SH3BGRL2: variants seen among roughly 807,000 people sequenced by gnomAD.
The protein encoded by SH3BGRL2 is SH3 domain binding glutamate rich protein like 2.
SH3BGRL2 carries 21 observed loss-of-function variants against 14.8 expected under a neutral mutation model. The observed-to-expected ratio is 1.42, with a 90% CI of 1.01 to 2.05. The LOEUF (loss-of-function observed/expected upper bound fraction) is 2.05. Ranked by LOEUF, SH3BGRL2 falls within the 30% of genes most tolerant of loss-of-function variation. The pLI, the probability that SH3BGRL2 is intolerant of heterozygous loss-of-function variation, is 0.00. For synonymous variants in SH3BGRL2, 50 were observed against 47.8 expected, an observed-to-expected ratio of 1.05 and a Z score of -0.19; for missense variants, 147 against 130.8, an observed-to-expected ratio of 1.12 and a Z score of -0.61.
At position 79,702,765 on chromosome 6, in the gene SH3BGRL2, C is replaced by T. The variant is rs554636909; in HGVS notation, c.*3256C>T. ...GGACTGAGGATGGAGTTAAATCACTCAGCCCCTGGGTGGGGTGGGGTGGTT... is the reference window on the plus strand; with the variant it reads ...GGACTGAGGATGGAGTTAAATCACTTAGCCCCTGGGTGGGGTGGGGTGGTT... On this transcript the variant is annotated 3_prime_UTR_variant, in exon 4 of 4. Coordinates refer to ENST00000369838, the MANE Select transcript of SH3BGRL2 (RefSeq NM_031469.4). 2.6e-5 allele frequency: 4 copies of T among 152,382 alleles called. No homozygotes were observed. The highest frequency in any genetic ancestry group is 2.6e-4 in the Admixed American group (4 of 15,298). 9.4% of individuals were successfully genotyped at this position (152,382 alleles called of 1,614,324 possible). A position where few individuals can be genotyped will look rare whatever the true frequency, so the allele number is the denominator to read the frequency against.
the SH3BGRL2 span, among the ~76,000 whole-genome samples, chr6:79,540,547 A>AT: frequency 6.6e-6 from 1 of 152,112 alleles, no homozygotes; most frequent in Non-Finnish European, 1.5e-5. Flanking sequence ...TGAATACTTG[A>AT]TTTTGCAGTA....
the SH3BGRL2 span, among the ~76,000 whole-genome samples, chr6:79,606,711 T>G: frequency 2.6e-5 from 4 of 152,380 alleles, no homozygotes; most frequent in Middle Eastern, 0.01. Flanking sequence ...TGAGTTTATG[T>G]AAATTAACAA....
chr6:79,689,955 A>T (rs1770176340), intron 2 of SH3BGRL2, among the ~76,000 whole-genome samples: 1 of 151,968 alleles, frequency 6.6e-6, no homozygotes. Context: ...TCATTCCTAC[A>T]TTTCACACTG....
the SH3BGRL2 span, among the ~76,000 whole-genome samples, chr6:79,586,529 C>G: frequency 7.9e-5 from 12 of 152,094 alleles, no homozygotes; most frequent in East Asian, 2.3e-3. Flanking sequence ...AATAAAATGG[C>G]TTTCTGAGAT....
At chr6:79,555,816 G>T in the SH3BGRL2 span, among the ~76,000 whole-genome samples, 1 of 152,054 alleles carries the variant, frequency 6.6e-6, no homozygotes, top group African/African-American at 2.4e-5. Flanking sequence ...CCCAAACTAT[G>T]TTTTTAAAAT....
At chr6:79,661,663 T>G (rs538151578) in intron 1 of SH3BGRL2, among the ~76,000 whole-genome samples, 4 of 152,310 alleles carry the variant, frequency 2.6e-5, no homozygotes, top group African/African-American at 9.6e-5. Flanking sequence ...GGTGCAGAGC[T>G]GAGTTCAAGT....
At chr6:79,552,883 A>G in the SH3BGRL2 span, 1 of 152,184 alleles carries the variant, frequency 6.6e-6, no homozygotes, top group African/African-American at 2.4e-5. Context: ...GTTATTTGGT[A>G]TTCATGTTAA....
upstream of SH3BGRL2, among the ~76,000 whole-genome samples, chr6:79,626,769 A>AC (rs2127720217): frequency 6.6e-6 from 1 of 152,236 alleles, no homozygotes; most frequent in South Asian, 2.1e-4. Context: ...CATGGTGCCC[A>AC]CCCTATGCAC....
At chr6:79,592,351 G>A in the SH3BGRL2 span, among the ~76,000 whole-genome samples, 7 of 152,136 alleles carry the variant, frequency 4.6e-5, no homozygotes, top group African/African-American at 1.7e-4. Context: ...AAGACAAATA[G>A]GGATCCTGTA....
chr6:79,673,537 A>G (rs1398903462), intron 1 of SH3BGRL2, 77 bp from the exon 2 acceptor site: 2 of 1,418,226 alleles, frequency 1.4e-6, no homozygotes, highest in Admixed American at 2.0e-5. Context: ...AATGACATAA[A>G]TCTAGTTCAG....
chr6:79,549,678 TAAC>T, the SH3BGRL2 span, among the ~76,000 whole-genome samples: 2 of 152,106 alleles, frequency 1.3e-5, no homozygotes, highest in Non-Finnish European at 2.9e-5. Flanking sequence ...CTTTTTAAAA[TAAC>T]AAAAATCAGG....
chr6:79,604,523 A>T, the SH3BGRL2 span, among the ~76,000 whole-genome samples: 1 of 152,150 alleles, frequency 6.6e-6, no homozygotes, highest in East Asian at 1.9e-4. Flanking sequence ...TTTCATGATG[A>T]TCCCTTGCCA....
intron 1 of SH3BGRL2, 52 bp downstream of exon 1, chr6:79,631,558 G>C: frequency 7.5e-7 from 1 of 1,335,562 alleles, no homozygotes; most frequent in Non-Finnish European, 9.7e-7. Flanking sequence ...CGCGGGTCCT[G>C]CGGGAGGCGC....
rs1770412675 is a variant in SH3BGRL2 at position 79,699,635 on chromosome 6, G to A, written c.*126G>A. On this transcript the variant is annotated 3_prime_UTR_variant, in exon 4 of 4. Coordinates refer to ENST00000369838, the MANE Select transcript of SH3BGRL2 (RefSeq NM_031469.4). ...ATTATCAGTAACTTTGCTTGCCACG[G>A]AAAAGGTGTTTTTGAAAGATGTGGC... The A allele has an allele frequency of 7.8e-7, 1 of 1,282,012 alleles. No individual in the cohort carries two copies. The highest frequency in any genetic ancestry group is 1.5e-5 in the African/African-American group (1 of 66,704). The allele number at this position is 1,282,012 out of a possible 1,614,324, so 79.4% of individuals were successfully genotyped here.
intron 1 of SH3BGRL2, among the ~76,000 whole-genome samples, chr6:79,659,484 T>C (rs1769495310): frequency 6.6e-6 from 1 of 152,192 alleles, no homozygotes; most frequent in African/African-American, 2.4e-5. Context: ...TCTGTTCTGT[T>C]CCATTGGTCT....
At chr6:79,670,542 T>C (rs1769752119) in intron 1 of SH3BGRL2, among the ~76,000 whole-genome samples, 1 of 152,258 alleles carries the variant, frequency 6.6e-6, no homozygotes, top group African/African-American at 2.4e-5. Context: ...TGTGCAGTTA[T>C]AGCTGTTATT....
At chr6:79,614,754 G>A in the SH3BGRL2 span, among the ~76,000 whole-genome samples, 6 of 152,256 alleles carry the variant, frequency 3.9e-5, no homozygotes, top group Middle Eastern at 3.4e-3. Context: ...TTGTTGGTGG[G>A]AAAAGGTATA....
chr6:79,551,875 A>G, the SH3BGRL2 span, among the ~76,000 whole-genome samples: 2 of 152,150 alleles, frequency 1.3e-5, no homozygotes, highest in African/African-American at 4.8e-5. Context: ...GGATCACCTG[A>G]GGTCAGGAGT....
At chr6:79,561,845 A>G in the SH3BGRL2 span, among the ~76,000 whole-genome samples, 1 of 152,224 alleles carries the variant, frequency 6.6e-6, no homozygotes, top group African/African-American at 2.4e-5. Context: ...TGTCTAGACA[A>G]TGTAAACTAA....
Sources: gnomAD v4.1 joint callset for allele counts (sites outside exome capture counted in the v4.1 genomes callset) on GRCh38, gnomAD v4.1.1 for gene constraint, MANE v1.5 for transcripts, NCBI Gene and HGNC (gene_info 2026-07-23, HGNC 2026-07-21) for gene names.